Variants in SCRT2 observed in about 807,000 individuals in gnomAD.
SCRT2 encodes the protein scratch family transcriptional repressor 2, also known as transcriptional repressor scratch 2.
Under a neutral mutation model 3.7 loss-of-function variants are expected in SCRT2, and 2 were observed. The ratio of observed to expected loss-of-function variants is 0.54; its 90% confidence interval spans 0.22 to 1.70. The LOEUF is 1.70. Ranked by LOEUF, SCRT2 falls within the 40% of genes most tolerant of loss-of-function variation. SCRT2 has a pLI of 0.19. For synonymous variants in SCRT2, 256 were observed against 220.6 expected, an observed-to-expected ratio of 1.16 and a Z score of -1.42; for missense variants, 456 against 468.5, an observed-to-expected ratio of 0.97 and a Z score of 0.25.
At chr20:673,286 C>T (rs973623168) in intron 1 of SCRT2, among the ~76,000 whole-genome samples, 4 of 152,256 alleles carry the variant, frequency 2.6e-5, no homozygotes, top group African/African-American at 9.6e-5. Context: ...TGTTAGACCC[C>T]TGTGCAGGCA....
chr20:672,382 A>G (rs1351972366), intron 1 of SCRT2, among the ~76,000 whole-genome samples: 1 of 136,286 alleles, frequency 7.3e-6, no homozygotes, highest in Non-Finnish European at 1.6e-5. Flanking sequence ...AAAGAAGAGC[A>G]TTGCTCGTGT....
intron 1 of SCRT2, among the ~76,000 whole-genome samples, chr20:673,489 G>C (rs908601494): frequency 1.3e-5 from 2 of 152,230 alleles, no homozygotes; most frequent in Non-Finnish European, 2.9e-5. Context: ...TTCAGGCCAG[G>C]TTTCTGGCTA....
intron 1 of SCRT2, among the ~76,000 whole-genome samples, chr20:669,461 C>G (rs1179570464): frequency 6.6e-6 from 1 of 152,180 alleles, no homozygotes; most frequent in African/African-American, 2.4e-5. Context: ...CAGTCTCTCC[C>G]AGACTCCCAA....
intron 1 of SCRT2, among the ~76,000 whole-genome samples, chr20:673,373 G>A (rs564955424): frequency 4.6e-5 from 7 of 152,218 alleles, no homozygotes; most frequent in Non-Finnish European, 8.8e-5. Context: ...CTTAGTTTAT[G>A]CCATCAAAAC....
At chr20:671,092 G>A (rs1184603391) in intron 1 of SCRT2, among the ~76,000 whole-genome samples, 3 of 152,186 alleles carry the variant, frequency 2.0e-5, no homozygotes, top group African/African-American at 7.2e-5. Flanking sequence ...GAGCGGATCT[G>A]GACAATGACC....
chr20:670,550 G>T (rs1367956148), intron 1 of SCRT2, among the ~76,000 whole-genome samples: 1 of 152,172 alleles, frequency 6.6e-6, no homozygotes, highest in Admixed American at 6.5e-5. Context: ...GGTGTGACAG[G>T]GTGCACCGTT....
Position 675,687 on chromosome 20 carries a change from G to T in SCRT2, c.-86C>A. The T allele has an allele frequency of 1.9e-6, 2 of 1,031,138 alleles. No homozygotes were observed. The highest frequency in any genetic ancestry group is 2.5e-6 in the Non-Finnish European group (2 of 807,026). The allele number at this position is 1,031,138 out of a possible 1,614,324, so 63.9% of individuals were successfully genotyped here. On this transcript the variant is annotated 5_prime_UTR_variant, in exon 1 of 2. In the 5' UTR this introduces an upstream ATG that the reference lacks. Coordinates refer to ENST00000246104, the MANE Select transcript of SCRT2 (RefSeq NM_033129.4). This position sits in a 1 kb window ranked among gnomAD's most constrained non-coding sequence, Gnocchi z 6.9. ...CCGCGCGGGTTTTCAGCACTGGACA[G>T]CTCCCAGCGGGCTGGAGCGCGGGAG...
chr20:663,425 G>A lies in SCRT2; in HGVS notation c.*246C>T, dbSNP rs1048434749. 1 of 380,662 alleles carries A rather than the reference G, an allele frequency of 2.6e-6. No individual in the cohort carries two copies. The highest frequency in any genetic ancestry group is 4.6e-6 in the Non-Finnish European group (1 of 218,348). 23.6% of individuals were successfully genotyped at this position (380,662 alleles called of 1,614,324 possible). A position where few individuals can be genotyped will look rare whatever the true frequency, so the allele number is the denominator to read the frequency against. ...TGGGAGCCTTGAAGGCGCGGACAGG[G>A]GGGTCAAGGTCCGAGGGATGGCCGG... On this transcript the variant is annotated 3_prime_UTR_variant, in exon 2 of 2. Transcript: ENST00000246104. This position sits in a 1 kb window ranked among gnomAD's most constrained non-coding sequence, Gnocchi z 6.9.
chr20:663,668 G>T lies in SCRT2; in HGVS notation c.*3C>A. ...TTCCGGGCGCGAGGGCGAGGCGGAA[G>T]GCTCAGCTGGCCGGGCCGGCGGGGG... On this transcript the variant is annotated 3_prime_UTR_variant, in exon 2 of 2. Transcript: ENST00000246104. The surrounding 1 kb of genome is among the most constrained non-coding windows in gnomAD (Gnocchi z 6.9). 4 of 1,460,506 alleles carry T rather than the reference G, an allele frequency of 2.7e-6. No individual in the cohort carries two copies. The highest frequency in any genetic ancestry group is 2.7e-6 in the Non-Finnish European group (3 of 1,109,830). 90.5% of individuals were successfully genotyped at this position (1,460,506 alleles called of 1,614,324 possible).
chr20:663,661 G>A lies in SCRT2; in HGVS notation c.*10C>T. 1 of 1,433,930 alleles carries A rather than the reference G, an allele frequency of 7.0e-7. No homozygotes were observed. The highest frequency in any genetic ancestry group is 9.1e-7 in the Non-Finnish European group (1 of 1,098,908). The allele number at this position is 1,433,930 out of a possible 1,614,324, so 88.8% of individuals were successfully genotyped here. A position where few individuals can be genotyped will look rare whatever the true frequency, so the allele number is the denominator to read the frequency against. ...GAGCGAGTTCCGGGCGCGAGGGCGAGGCGGAAGGCTCAGCTGGCCGGGCCG... is the reference window on the plus strand; with the variant it reads ...GAGCGAGTTCCGGGCGCGAGGGCGAAGCGGAAGGCTCAGCTGGCCGGGCCG... On this transcript the variant is annotated 3_prime_UTR_variant, in exon 2 of 2. Transcript: ENST00000246104. The surrounding 1 kb of genome is among the most constrained non-coding windows in gnomAD (Gnocchi z 6.9).
chr20:666,361 A>G lies in SCRT2; in HGVS notation c.134-1900T>C, dbSNP rs1984155040. Among the ~76,000 whole-genome samples the G allele has an allele frequency of 6.6e-6, 1 of 152,042 alleles. No homozygotes were observed. The highest frequency in any genetic ancestry group is 2.4e-5 in the African/African-American group (1 of 41,384). On this transcript the variant is annotated intron_variant, in intron 1 of 1. Transcript: ENST00000246104. The surrounding 1 kb of genome is among the most constrained non-coding windows in gnomAD (Gnocchi z 4.4). The stretch of plus-strand genomic sequence containing the variant: ...GGAGTGTTGTTTCAGACTGAGTTAA[A>G]TACCCGTCAGGCACTCCCAGACCCC...
At position 664,208 on chromosome 20, in the gene SCRT2, C is replaced by G. The variant is rs1040781868; in HGVS notation, c.387G>C (p.Ala129=). ...CGCCCCCCGCGTCTCCCGAGCCCCC[C>G]GCGTCCCCGCCGCCCCCGCCCCGCC... ...RRRRGGGGGD[A]GGSGDAGGAG... is the part of the protein sequence containing the mutation. The change falls in exon 2 of 2, where the codon GCG becomes GCC. Residue 129 remains alanine, a synonymous_variant. Coordinates refer to ENST00000246104, the MANE Select transcript of SCRT2 (RefSeq NM_033129.4). This position sits in a 1 kb window ranked among gnomAD's most constrained non-coding sequence, Gnocchi z 7.9. 44 of 1,192,524 alleles carry G rather than the reference C, an allele frequency of 3.7e-5. No individual in the cohort carries two copies. The highest frequency in any genetic ancestry group is 4.5e-5 in the Non-Finnish European group (43 of 960,560). The allele number at this position is 1,192,524 out of a possible 1,614,324, so 73.9% of individuals were successfully genotyped here.
Position 675,460 on chromosome 20 carries a change from C to G in SCRT2, c.133+9G>C. 1 of 1,320,290 alleles carries G rather than the reference C, an allele frequency of 7.6e-7. No individual in the cohort carries two copies. Among genetic ancestry groups the G allele is most frequent in the Non-Finnish European group, 9.7e-7 (1 of 1,027,586 alleles). The allele number at this position is 1,320,290 out of a possible 1,614,324, so 81.8% of individuals were successfully genotyped here. On this transcript the variant is annotated intron_variant, in intron 1 of 1. Coordinates refer to ENST00000246104, the MANE Select transcript of SCRT2 (RefSeq NM_033129.4). The surrounding 1 kb of genome is among the most constrained non-coding windows in gnomAD (Gnocchi z 6.9). ...TCCCAACCCCCCGCCCCCGCCGGGT[C>G]CCACTCACCGTTGTCCCCGGGAGGC...
rs1057337831 is a variant in SCRT2, at chr20:675,667, C to G, written c.-66G>C. ...CCGGGCGCGATCGGCTGTGTCCGCGCGGGTTTTCAGCACTGGACAGCTCCC... is the reference window on the plus strand; with the variant it reads ...CCGGGCGCGATCGGCTGTGTCCGCGGGGGTTTTCAGCACTGGACAGCTCCC... On this transcript the variant is annotated 5_prime_UTR_variant, in exon 1 of 2. Transcript: ENST00000246104. The surrounding 1 kb of genome is among the most constrained non-coding windows in gnomAD (Gnocchi z 6.9). 8.5e-7 allele frequency: 1 copy of G among 1,179,598 alleles called. No homozygotes were observed. The highest frequency in any genetic ancestry group is 1.6e-5 in the African/African-American group (1 of 62,390). 73.1% of individuals were successfully genotyped at this position (1,179,598 alleles called of 1,614,324 possible). A position where few individuals can be genotyped will look rare whatever the true frequency, so the allele number is the denominator to read the frequency against.
rs1984080380 is a variant in SCRT2 at position 664,348 on chromosome 20, C to T, written c.247G>A (p.Asp83Asn). The stretch of plus-strand genomic sequence containing the variant: ...AGGCTCGACTGCGGGCTTTCGGGGT[C>T]GCTGTACTCCTCCGGCGCCGCCGGC... Reference protein sequence around the residue: ...YPPAAPEEYSDPESPQSSLSA... With the variant: ...YPPAAPEEYSNPESPQSSLSA... Residue 83 changes from aspartate (D) to asparagine (N), a missense_variant, in exon 2 of 2, where the codon GAC (aspartate) becomes AAC (asparagine). This residue lies in a region of SCRT2 where 306 missense variants were observed against 305.3 expected (regional missense o/e 1.00). Coordinates refer to ENST00000246104, the MANE Select transcript of SCRT2 (RefSeq NM_033129.4). The surrounding 1 kb of genome is among the most constrained non-coding windows in gnomAD (Gnocchi z 7.9). 2.0e-6 allele frequency: 3 copies of T among 1,482,496 alleles called. No individual in the cohort carries two copies. Among genetic ancestry groups the T allele is most frequent in the African/African-American group, 1.4e-5 (1 of 69,824 alleles). The allele number at this position is 1,482,496 out of a possible 1,614,324, so 91.8% of individuals were successfully genotyped here.
At chr20:671,726 G>A (rs909677125) in intron 1 of SCRT2, among the ~76,000 whole-genome samples, 1 of 152,200 alleles carries the variant, frequency 6.6e-6, no homozygotes, top group African/African-American at 2.4e-5. Flanking sequence ...CAGCTTGCTG[G>A]GGGAGGCTTA....
rs1984513308 is a variant in SCRT2 at position 675,628 on chromosome 20, G to C, written c.-27C>G. Reference sequence around the variant, plus strand: ...GCGCGGCCGGCGCGGGGCTCGGTGCGGGGAGGCGGCCGGCCGGGCGCGATC... The same window carrying C: ...GCGCGGCCGGCGCGGGGCTCGGTGCCGGGAGGCGGCCGGCCGGGCGCGATC... On this transcript the variant is annotated 5_prime_UTR_variant, in exon 1 of 2. Coordinates refer to ENST00000246104, the MANE Select transcript of SCRT2 (RefSeq NM_033129.4). This position sits in a 1 kb window ranked among gnomAD's most constrained non-coding sequence, Gnocchi z 6.9. 1.6e-6 allele frequency: 2 copies of C among 1,264,428 alleles called. No homozygotes were observed. The highest frequency in any genetic ancestry group is 4.2e-5 in the Admixed American group (1 of 23,622). The allele number at this position is 1,264,428 out of a possible 1,614,324, so 78.3% of individuals were successfully genotyped here. A position where few individuals can be genotyped will look rare whatever the true frequency, so the allele number is the denominator to read the frequency against.
At chr20:670,648 C>T (rs775378945) in intron 1 of SCRT2, among the ~76,000 whole-genome samples, 17 of 152,210 alleles carry the variant, frequency 1.1e-4, no homozygotes, top group African/African-American at 3.6e-4. Flanking sequence ...CCCTGCCCCC[C>T]GCTGCCCTTT....
chr20:663,688 C>G lies in SCRT2; in HGVS notation c.907G>C (p.Ala303Pro). The change falls in exon 2 of 2, where the codon GCC (alanine) becomes CCC (proline). Residue 303 changes from alanine to proline, a missense_variant. Coordinates refer to ENST00000246104, the MANE Select transcript of SCRT2 (RefSeq NM_033129.4). This position sits in a 1 kb window ranked among gnomAD's most constrained non-coding sequence, Gnocchi z 6.9. ...CGGAAGGCTCAGCTGGCCGGGCCGG[C>G]GGGGGTCGGCGGGGGTGGCTCGGCC... ...KAAEPPPPTP[A>P]GPAS The G allele has an allele frequency of 2.7e-6, 4 of 1,502,202 alleles. No individual in the cohort carries two copies. Among genetic ancestry groups the G allele is most frequent in the East Asian group, 2.6e-5 (1 of 38,140 alleles). 93.1% of individuals were successfully genotyped at this position (1,502,202 alleles called of 1,614,324 possible).
Sources: allele counts gnomAD v4.1 joint callset (sites outside exome capture counted in the v4.1 genomes callset), GRCh38; gene constraint gnomAD v4.1.1; regional missense constraint gnomAD v4.1.1; non-coding constraint Gnocchi (gnomAD v3.1); transcripts MANE v1.5; gene names NCBI Gene and HGNC (gene_info 2026-07-23, HGNC 2026-07-21).